The following MYO19 variants were observed in gnomAD, a reference collection of about 807,000 sequenced individuals.
MYO19 encodes unconventional myosin-XIX.
MYO19 carries 132 observed loss-of-function variants against 129.2 expected under a neutral mutation model. The ratio of observed to expected loss-of-function variants is 1.02; its 90% CI spans 0.89 to 1.18. The LOEUF (loss-of-function observed/expected upper bound fraction) is 1.18. Among genes scored for constraint, MYO19 ranks in the 50% most tolerant of loss-of-function variants. The pLI is 0.00. For missense variants in MYO19, 1,210 were observed against 1,216.7 expected, an observed-to-expected ratio of 0.99 and a Z score of 0.08; for synonymous variants, 531 against 477.2, an observed-to-expected ratio of 1.11 and a Z score of -1.47.
Position 36,507,714 on chromosome 17 carries a change from C to A in MYO19, c.1353+89G>T, listed in dbSNP as rs906365846. ...TAAAATAAGAAGGAACAAAAGGCTT[C>A]TAATCAGAACCTGGACTGGGGCTGG... is the stretch of plus-strand genomic sequence containing the variant. On this transcript the variant is annotated intron_variant, in intron 15 of 25. Coordinates refer to ENST00000614623, the MANE Select transcript of MYO19 (RefSeq NM_001163735.2). 1.1e-5 allele frequency: 16 copies of A among 1,444,126 alleles called. No homozygotes were observed. The Admixed American group carries it at 2.3e-4, about 21-fold the overall frequency. The allele number at this position is 1,444,126 out of a possible 1,614,324, so 89.5% of individuals were successfully genotyped here.
At chr17:36,521,709 T>G (rs1185816371) in intron 6 of MYO19, among the ~76,000 whole-genome samples, 1 of 152,192 alleles carries the variant, frequency 6.6e-6, no homozygotes, top group Non-Finnish European at 1.5e-5. Context: ...ATCACCATTA[T>G]GGACTGGCTC....
intron 9 of MYO19, 40 bp downstream of exon 9, chr17:36,514,406 G>T: frequency 7.5e-7 from 1 of 1,334,334 alleles, no homozygotes; most frequent in Non-Finnish European, 1.1e-6. Flanking sequence ...ACCCATCCCT[G>T]TCTCGCATCT....
Position 36,525,319 on chromosome 17 carries a change from G to A in MYO19, c.323C>T (p.Thr108Ile). The A allele has an allele frequency of 6.2e-7, 1 of 1,613,488 alleles. No homozygotes were observed. The highest frequency in any genetic ancestry group is 8.5e-7 in the Non-Finnish European group (1 of 1,179,524). The change falls in exon 6 of 26, where the codon ACT becomes ATT. Residue 108 changes from threonine to isoleucine, a missense_variant. By Grantham distance (89) the Thr-to-Ile change is moderately conservative. Coordinates refer to ENST00000614623, the MANE Select transcript of MYO19 (RefSeq NM_001163735.2). ...ATTCCTGTAGGTCTGTTCACCCACA[G>A]TGAACACATGGGGCTTCAGTTTCTG... is the stretch of plus-strand genomic sequence containing the variant. Reference protein sequence around the residue: ...QPQKLKPHVFTVGEQTYRNVK... With the variant: ...QPQKLKPHVFIVGEQTYRNVK...
intron 8 of MYO19, 94 bp from the exon 9 acceptor site, chr17:36,514,642 A>AC: frequency 1.3e-6 from 1 of 798,038 alleles, no homozygotes; most frequent in Non-Finnish European, 2.1e-6. Flanking sequence ...GCTACCTGGC[A>AC]ACTCCCCGCC....
upstream of MYO19, among the ~76,000 whole-genome samples, chr17:36,536,909 G>A (rs900129632): frequency 3.3e-5 from 5 of 152,164 alleles, no homozygotes; most frequent in African/African-American, 9.7e-5. Flanking sequence ...ATTTCTATCT[G>A]AACACATTAG....
chr17:36,504,114 A>G lies in MYO19; in HGVS notation c.1906-94T>C, dbSNP rs573003368. ...CAGCCCTTCTTCTTAGACCCTGGCC[A>G]GTGCCAAGCTGCAGGCTCTCCCAAG... On this transcript the variant is annotated intron_variant, in intron 19 of 25. Transcript: ENST00000614623. The G allele has an allele frequency of 3.1e-5, 31 of 1,001,770 alleles. No homozygotes were observed. The Admixed American group carries it at 8.1e-4, about 26-fold the overall frequency. The allele number at this position is 1,001,770 out of a possible 1,614,324, so 62.1% of individuals were successfully genotyped here.
intron 11 of MYO19, among the ~76,000 whole-genome samples, chr17:36,512,084 C>T (rs2072369807): frequency 6.6e-6 from 1 of 152,164 alleles, no homozygotes; most frequent in South Asian, 2.1e-4. Flanking sequence ...GGCATGGTGG[C>T]ACACGCTTGT....
intron 1 of MYO19, chr17:36,534,364 G>C (rs973873423): frequency 6.6e-6 from 1 of 152,188 alleles, no homozygotes; most frequent in South Asian, 2.1e-4. Context: ...GGAAGCACCT[G>C]GCACGGGGAG....
upstream of MYO19, among the ~76,000 whole-genome samples, chr17:36,544,628 G>GT (rs1390721719): frequency 9.9e-5 from 15 of 152,220 alleles, no homozygotes; most frequent in African/African-American, 3.4e-4. Context: ...ACGTCGAGGG[G>GT]CTTGCCCCTC....
At chr17:36,536,352 G>C (rs2074122282), upstream of MYO19, among the ~76,000 whole-genome samples, 1 of 152,050 alleles carries the variant, frequency 6.6e-6, no homozygotes, top group African/African-American at 2.4e-5. Context: ...AATGTACTTG[G>C]CCCCTAGCGT....
chr17:36,522,152 A>G (rs1006645796), intron 6 of MYO19, among the ~76,000 whole-genome samples: 3 of 152,246 alleles, frequency 2.0e-5, no homozygotes, highest in Non-Finnish European at 1.5e-5. Flanking sequence ...GATTTGAGGC[A>G]GAATAGACAT....
intron 25 of MYO19, 43 bp downstream of exon 25, chr17:36,498,223 G>A (rs759830813): frequency 3.8e-6 from 6 of 1,579,564 alleles, no homozygotes; most frequent in Non-Finnish European, 3.4e-6. Flanking sequence ...TGCTCCTGCT[G>A]TTCTCAGGAA....
chr17:36,535,017 G>C (rs1211439286), upstream of MYO19: 1 of 152,410 alleles, frequency 6.6e-6, no homozygotes, highest in African/African-American at 2.4e-5. Context: ...ACGTGGCTTG[G>C]CCGGGACGCC....
chr17:36,531,837 T>C (rs1178862859), intron 3 of MYO19, among the ~76,000 whole-genome samples: 1 of 152,098 alleles, frequency 6.6e-6, no homozygotes, highest in Non-Finnish European at 1.5e-5. Context: ...AGCACCAACC[T>C]CAACATCTGC....
chr17:36,514,630 C>A, intron 8 of MYO19, 82 bp from the exon 9 acceptor site: 3 of 932,522 alleles, frequency 3.2e-6, no homozygotes, highest in Non-Finnish European at 5.1e-6. Flanking sequence ...GCCAGATTGC[C>A]TGCTACCTGG....
Position 36,501,132 on chromosome 17 carries a change from C to T in MYO19, c.2184G>A (p.Ser728=), listed in dbSNP as rs779561633. Residue 728 remains serine (S), a synonymous_variant, in exon 22 of 26, where the codon TCG becomes TCA. Transcript: ENST00000614623. ...GCATGGGGGCTGGCATGGCCTCAGC[C>T]GAGTCACCAGTTATGGCTGCTGCCT... ...LTQAAAITGD[S]AEAMPAPMHC... is the part of the protein sequence containing the mutation. The T allele has an allele frequency of 5.6e-6, 9 of 1,613,940 alleles. No individual in the cohort carries two copies. The highest frequency in any genetic ancestry group is 5.0e-5 in the Admixed American group (3 of 60,010).
At chr17:36,530,031 AG>A (rs1228986825) in intron 3 of MYO19, among the ~76,000 whole-genome samples, 3 of 152,352 alleles carry the variant, frequency 2.0e-5, no homozygotes, top group African/African-American at 4.8e-5. Flanking sequence ...CCTGGCCAAC[AG>A]AGCAAGACCT....
At chr17:36,544,572 C>T (rs1183041786), upstream of MYO19, among the ~76,000 whole-genome samples, 1 of 152,252 alleles carries the variant, frequency 6.6e-6, no homozygotes, top group Admixed American at 6.5e-5. Context: ...TGAAAGAATT[C>T]CCCTTTGAGA....
intron 13 of MYO19, among the ~76,000 whole-genome samples, chr17:36,510,384 C>T (rs1401235985): frequency 6.6e-6 from 1 of 152,246 alleles, no homozygotes; most frequent in African/African-American, 2.4e-5. Context: ...AGCCAAGGAT[C>T]TGAAGCAGGA....
Sources: gnomAD v4.1 joint callset for allele counts (sites outside exome capture counted in the v4.1 genomes callset) on GRCh38, gnomAD v4.1.1 for gene constraint, MANE v1.5 for transcripts, NCBI Gene and HGNC (gene_info 2026-07-23, HGNC 2026-07-21) for gene names.